The following ENOX1 variants were observed in gnomAD, a reference collection of about 807,000 sequenced individuals.
The protein encoded by ENOX1 is candidate growth-related and time keeping constitutive hydroquinone (NADH) oxidase.
Under a neutral mutation model 82.5 loss-of-function variants are expected in ENOX1, and 42 were observed. That is an observed-to-expected ratio of 0.51 (90% CI 0.40 to 0.66). The LOEUF is 0.66. Ranked by LOEUF, ENOX1 falls within the 30% of genes least tolerant of loss-of-function variation. ENOX1 has a pLI of 0.00. For synonymous variants in ENOX1, 271 were observed against 282.2 expected (o/e 0.96, Z 0.40); for missense variants, 608 against 811.6 (o/e 0.75, Z 3.05).
intron 14 of ENOX1, among the ~76,000 whole-genome samples, chr13:43,246,678 T>C (rs1331023637): frequency 6.6e-6 from 1 of 152,010 alleles, no homozygotes; most frequent in African/African-American, 2.4e-5. Context: ...ATTTGAAGGA[T>C]GTGGGTAGGG....
intron 1 of ENOX1, among the ~76,000 whole-genome samples, chr13:43,753,558 A>G (rs1368190482): frequency 6.6e-6 from 1 of 152,174 alleles, no homozygotes; most frequent in African/African-American, 2.4e-5. Flanking sequence ...TAAGATCAAC[A>G]TTTTGATGCC....
At chr13:43,633,489 T>C (rs539439817) in intron 2 of ENOX1, among the ~76,000 whole-genome samples, 1 of 152,248 alleles carries the variant, frequency 6.6e-6, no homozygotes, top group South Asian at 2.1e-4. Context: ...GATCCACAAA[T>C]AAGTCCACGT....
At chr13:43,529,419 C>T (rs1424361237) in intron 2 of ENOX1, among the ~76,000 whole-genome samples, 3 of 152,166 alleles carry the variant, frequency 2.0e-5, no homozygotes, top group Non-Finnish European at 2.9e-5. Context: ...CTAGACAGTG[C>T]TTCCTTTAAG....
rs1283363347 is a variant in ENOX1 at position 43,658,467 on chromosome 13, T to C, written c.-219+9012A>G. ...TAATTCTGGTTGTGTTAAATATCCA[T>C]ATTTACATCCTTAGAATCATGTAGT... On this transcript the variant is annotated intron_variant, in intron 2 of 16. Coordinates refer to ENST00000690772, the MANE Select transcript of ENOX1 (RefSeq NM_001347969.2). 2.0e-5 allele frequency among the ~76,000 whole-genome samples: 3 copies of C among 152,238 alleles called. No individual in the cohort carries two copies. The East Asian group carries it at 5.8e-4, about 29-fold the overall frequency.
chr13:43,496,194 G>A (rs1308985976), intron 2 of ENOX1, among the ~76,000 whole-genome samples: 1 of 151,714 alleles, frequency 6.6e-6, no homozygotes, highest in Non-Finnish European at 1.5e-5. Flanking sequence ...TTTCTATAAT[G>A]TGAGTGCTTT....
chr13:43,566,351 T>C (rs1232289192), intron 2 of ENOX1, among the ~76,000 whole-genome samples: 3 of 152,132 alleles, frequency 2.0e-5, no homozygotes, highest in Non-Finnish European at 2.9e-5. Context: ...TGACAAATTA[T>C]AGGTATTTTG....
chr13:43,764,750 C>T (rs956820748), intron 1 of ENOX1, among the ~76,000 whole-genome samples: 1 of 152,148 alleles, frequency 6.6e-6, no homozygotes, highest in African/African-American at 2.4e-5. Context: ...TCACTTTATC[C>T]TCCTTCTTCA....
intron 11 of ENOX1, among the ~76,000 whole-genome samples, chr13:43,318,879 T>C (rs931791860): frequency 3.3e-4 from 50 of 152,228 alleles, no homozygotes; most frequent in African/African-American, 1.1e-3. Flanking sequence ...GGTTTTGCCA[T>C]CTGAGGCCTT....
intron 2 of ENOX1, among the ~76,000 whole-genome samples, chr13:43,657,413 A>C (rs748707157): frequency 1.3e-5 from 2 of 152,192 alleles, no homozygotes; most frequent in Non-Finnish European, 2.9e-5. Flanking sequence ...TCTCAGCCTC[A>C]GGGAATCAGG....
At chr13:43,366,169 C>A (rs2050833459) in intron 5 of ENOX1, among the ~76,000 whole-genome samples, 1 of 151,908 alleles carries the variant, frequency 6.6e-6, no homozygotes, top group Admixed American at 6.6e-5. Flanking sequence ...TTTCTTTTTT[C>A]AAGCATTCTT....
intron 5 of ENOX1, among the ~76,000 whole-genome samples, chr13:43,380,934 G>C (rs2051998823): frequency 6.6e-6 from 1 of 151,732 alleles, no homozygotes; most frequent in Non-Finnish European, 1.5e-5. Context: ...ATGGAAAGCT[G>C]AAGTAGATGA....
chr13:43,753,428 G>A (rs1950425327), intron 1 of ENOX1, among the ~76,000 whole-genome samples: 1 of 151,992 alleles, frequency 6.6e-6, no homozygotes, highest in Non-Finnish European at 1.5e-5. Flanking sequence ...TGATACTATT[G>A]TAAATGGCAT....
chr13:43,601,912 C>A (rs1162816329), intron 2 of ENOX1, among the ~76,000 whole-genome samples: 4 of 151,800 alleles, frequency 2.6e-5, no homozygotes, highest in Non-Finnish European at 5.9e-5. Context: ...AAAGTGCTTA[C>A]AGAAAAAAAC....
intron 3 of ENOX1, among the ~76,000 whole-genome samples, chr13:43,454,567 C>T (rs2057129987): frequency 6.6e-6 from 1 of 152,148 alleles, no homozygotes; most frequent in Non-Finnish European, 1.5e-5. Flanking sequence ...GAAAATTTAG[C>T]ACTCTGATAC....
intron 2 of ENOX1, among the ~76,000 whole-genome samples, chr13:43,580,351 G>A (rs530833270): frequency 3.9e-5 from 6 of 152,060 alleles, no homozygotes; most frequent in African/African-American, 7.2e-5. Flanking sequence ...CACTTTTGTC[G>A]CCAACAAGTA....
intron 11 of ENOX1, among the ~76,000 whole-genome samples, chr13:43,316,629 CAAA>C (rs3043979): frequency 6.1e-4 from 92 of 149,804 alleles, no homozygotes; most frequent in South Asian, 2.5e-3. Context: ...AAGCAATTTA[CAAA>C]AAAAAAAAAA....
chr13:43,284,336 C>A (rs779473593), intron 12 of ENOX1, among the ~76,000 whole-genome samples: 26 of 152,108 alleles, frequency 1.7e-4, no homozygotes, highest in Non-Finnish European at 2.6e-4. Context: ...CATGGCATAC[C>A]ACCCTATGTT....
At chr13:43,347,868 A>G (rs116602155) in intron 8 of ENOX1, among the ~76,000 whole-genome samples, 1,943 of 152,324 alleles carry the variant, frequency 0.013, 46 homozygotes, top group African/African-American at 0.045. Flanking sequence ...TTTCCACTAT[A>G]AGAATTGAGA....
At chr13:43,453,906 T>C (rs1365393692) in intron 3 of ENOX1, among the ~76,000 whole-genome samples, 1 of 151,862 alleles carries the variant, frequency 6.6e-6, no homozygotes, top group Non-Finnish European at 1.5e-5. Context: ...ATGTGGGGAG[T>C]AGGTGTAGAT....
Sources: allele counts gnomAD v4.1 joint callset (sites outside exome capture counted in the v4.1 genomes callset), GRCh38; gene constraint gnomAD v4.1.1; transcripts MANE v1.5; gene names NCBI Gene and HGNC (gene_info 2026-07-23, HGNC 2026-07-21).